COL23A1: variants seen among roughly 807,000 people sequenced by gnomAD.
COL23A1 encodes the protein collagen type XXIII alpha 1 chain, also known as collagen alpha-1(XXIII) chain.
COL23A1 carries 97 observed loss-of-function variants against 99.3 expected under a neutral mutation model. The ratio of observed to expected loss-of-function variants is 0.98; its 90% CI spans 0.83 to 1.16. COL23A1 has a LOEUF of 1.16. Among genes scored for constraint, COL23A1 ranks in the 50% most tolerant of loss-of-function variants. The pLI is 0.00. For synonymous variants in COL23A1, 320 were observed against 308.2 expected, an observed-to-expected ratio of 1.04 and a Z score of -0.40; for missense variants, 762 against 757.4, an observed-to-expected ratio of 1.01 and a Z score of -0.07.
chr5:178,257,421 G>C, intron 13 of COL23A1, 102 bp downstream of exon 13: 1 of 1,374,858 alleles, frequency 7.3e-7, no homozygotes, highest in Non-Finnish European at 1.0e-6. Context: ...CACTGGCCTA[G>C]GAACCCGTGG....
At chr5:178,372,697 C>T (rs559234472) in intron 2 of COL23A1, among the ~76,000 whole-genome samples, 24 of 152,140 alleles carry the variant, frequency 1.6e-4, no homozygotes, top group African/African-American at 5.8e-4. Flanking sequence ...CTCAGCCTCC[C>T]GTGTAGCTGG....
At chr5:178,398,069 A>C (rs1764244689) in intron 2 of COL23A1, among the ~76,000 whole-genome samples, 1 of 152,232 alleles carries the variant, frequency 6.6e-6, no homozygotes, top group African/African-American at 2.4e-5. Flanking sequence ...AGACATCAAC[A>C]AATGGGGCTG....
intron 2 of COL23A1, among the ~76,000 whole-genome samples, chr5:178,408,853 G>T (rs1764894734): frequency 6.6e-6 from 1 of 151,604 alleles, no homozygotes; most frequent in African/African-American, 2.4e-5. Context: ...TACTTGGGAG[G>T]TTGAGGCAGG....
In COL23A1 at chr5:178,247,784, TG is replaced by T; in HGVS notation, c.1259del (p.Pro420GlnfsTer60). On this transcript the variant is annotated frameshift_variant, in exon 21 of 29. Coordinates refer to ENST00000390654, the MANE Select transcript of COL23A1 (RefSeq NM_173465.4). LOFTEE classifies it high-confidence loss of function. Reference sequence around the variant, plus strand: ...AGCAAACCGTCCTTACCATCGGGCCTGGGGGGCCAGGGGGGCCAGGGGGCCC... The same window carrying T: ...AGCAAACCGTCCTTACCATCGGGCCTGGGGGCCAGGGGGGCCAGGGGGCCC... ...EPGPPGPPGP[P>X]GPMGLQGIQG... The T allele has an allele frequency of 6.2e-7, 1 of 1,613,356 alleles. No individual in the cohort carries two copies. Among genetic ancestry groups the T allele is most frequent in the African/African-American group, 1.3e-5 (1 of 74,982 alleles).
intron 2 of COL23A1, among the ~76,000 whole-genome samples, chr5:178,553,215 T>C (rs1243841688): frequency 6.7e-6 from 1 of 149,768 alleles, no homozygotes; most frequent in East Asian, 2.0e-4. Flanking sequence ...TGCCCTTCGC[T>C]AGGCTCTTTT....
intron 1 of COL23A1, among the ~76,000 whole-genome samples, chr5:178,585,751 T>TAATGCCCTACAGCCCTGGATGGCGC (rs1562115782): frequency 1.9e-4 from 1 of 5,210 alleles, no homozygotes; most frequent in African/African-American, 3.6e-4. Flanking sequence ...GCTGACCCTG[T>TAATGCCCTACAGCCCTGGATGGCGC]TGGTTGCTCC....
At chr5:178,451,030 C>CTA in intron 2 of COL23A1, among the ~76,000 whole-genome samples, 1 of 152,310 alleles carries the variant, frequency 6.6e-6, no homozygotes, top group Admixed American at 6.5e-5. Flanking sequence ...TTATAGGTCT[C>CTA]TATGTTATTA....
In COL23A1 at chr5:178,306,730, C is replaced by T. The variant is rs1208813560; in HGVS notation, c.406+145G>A. The T allele has an allele frequency of 5.7e-6, 3 of 521,752 alleles. No individual in the cohort carries two copies. Among genetic ancestry groups the T allele is most frequent in the East Asian group, 3.5e-5 (1 of 28,516 alleles). The allele number at this position is 521,752 out of a possible 1,614,324, so 32.3% of individuals were successfully genotyped here. ...GTGCTGCGGCCTCAGGAAACGGCAG[C>T]TGGACTTGGAAGGGGGAGGAGCACC... On this transcript the variant is annotated intron_variant, in intron 3 of 28. Coordinates refer to ENST00000390654, the MANE Select transcript of COL23A1 (RefSeq NM_173465.4). This position sits in a 1 kb window ranked among gnomAD's most constrained non-coding sequence, Gnocchi z 4.1.
At chr5:178,480,962 GT>G (rs755352473) in intron 2 of COL23A1, among the ~76,000 whole-genome samples, 17 of 151,790 alleles carry the variant, frequency 1.1e-4, no homozygotes, top group Non-Finnish European at 2.2e-4. Context: ...CCTGGCCAAT[GT>G]GGTGAAACCT....
rs1281506325 is a variant in COL23A1 at position 178,468,416 on chromosome 5, G to A, written c.361+92266C>T. On this transcript the variant is annotated intron_variant, in intron 2 of 28. Coordinates refer to ENST00000390654, the MANE Select transcript of COL23A1 (RefSeq NM_173465.4). The surrounding 1 kb of genome is among the most constrained non-coding windows in gnomAD (Gnocchi z 4.2). ...TGGGCTAGGGGTCAGTGTGATGATG[G>A]TGAATGCAAGAATATCAACAACCAC... is the stretch of plus-strand genomic sequence containing the variant. Among the ~76,000 whole-genome samples the A allele has an allele frequency of 1.3e-5, 2 of 152,204 alleles. No homozygotes were observed. Among genetic ancestry groups the A allele is most frequent in the Non-Finnish European group, 2.9e-5 (2 of 68,038 alleles).
At position 178,403,116 on chromosome 5, in the gene COL23A1, A is replaced by T. The variant is rs1232934069; in HGVS notation, c.362-96197T>A. Among the ~76,000 whole-genome samples the T allele has an allele frequency of 3.0e-5, 4 of 134,456 alleles. 1 individual carries two copies. Among genetic ancestry groups the T allele is most frequent in the African/African-American group, 6.5e-5 (2 of 30,820 alleles). 88.2% of individuals were successfully genotyped at this position (134,456 alleles called of 152,430 possible). On this transcript the variant is annotated intron_variant, in intron 2 of 28. Transcript: ENST00000390654. ...AGAGAGAGACTCCATCTCAAAAAAA[A>T]AAAAAATAAATAAATAAAAAATAAA...
chr5:178,267,462 C>G, intron 7 of COL23A1, 129 bp from the exon 8 acceptor site: 1 of 910,128 alleles, frequency 1.1e-6, no homozygotes, highest in East Asian at 2.7e-5. Flanking sequence ...AGCAGGCAGG[C>G]CCTATTTTTA....
chr5:178,245,159 GTCCATCCC>G (rs1382601146), intron 25 of COL23A1, among the ~76,000 whole-genome samples: 1 of 96,020 alleles, frequency 1.0e-5, no homozygotes, highest in Non-Finnish European at 2.1e-5. Flanking sequence ...CCATCCATCC[GTCCATCCC>G]TCCATCCCTC....
intron 2 of COL23A1, among the ~76,000 whole-genome samples, chr5:178,382,669 G>C (rs907171940): frequency 2.6e-5 from 4 of 152,310 alleles, no homozygotes; most frequent in East Asian, 1.9e-4. Flanking sequence ...TCCAGTCCCA[G>C]GAGTTGGGAG....
At chr5:178,400,724 A>G (rs1017873852) in intron 2 of COL23A1, among the ~76,000 whole-genome samples, 4 of 150,896 alleles carry the variant, frequency 2.7e-5, no homozygotes, top group Non-Finnish European at 4.4e-5. Context: ...TCCAACCTCT[A>G]CCTCATGTGT....
At chr5:178,573,543 T>C (rs925929997) in intron 1 of COL23A1, among the ~76,000 whole-genome samples, 3 of 152,244 alleles carry the variant, frequency 2.0e-5, no homozygotes, top group Non-Finnish European at 4.4e-5. Flanking sequence ...CTGAAATACA[T>C]TAACATGTTT....
chr5:178,455,697 A>G (rs2546628), intron 2 of COL23A1, among the ~76,000 whole-genome samples: 55,601 of 151,934 alleles, frequency 0.37, 11,066 homozygotes, highest in African/African-American at 0.51. Flanking sequence ...ACCGCACCTC[A>G]AGGCCGAGAG....
chr5:178,428,140 C>T lies in COL23A1; in HGVS notation c.362-121221G>A, dbSNP rs1377952542. 6.6e-6 allele frequency among the ~76,000 whole-genome samples: 1 copy of T among 152,236 alleles called. No individual in the cohort carries two copies. Among genetic ancestry groups the T allele is most frequent in the Non-Finnish European group, 1.5e-5 (1 of 68,038 alleles). On this transcript the variant is annotated intron_variant, in intron 2 of 28. Transcript: ENST00000390654. The surrounding 1 kb of genome is among the most constrained non-coding windows in gnomAD (Gnocchi z 5.0). The stretch of plus-strand genomic sequence containing the variant: ...CATCAAAAGCCCACATCTATGCTCA[C>T]TGGCTCAGATATCACAGGGAAAAGA...
At chr5:178,412,952 T>C (rs1028083175) in intron 2 of COL23A1, among the ~76,000 whole-genome samples, 4 of 152,026 alleles carry the variant, frequency 2.6e-5, no homozygotes, top group African/African-American at 9.7e-5. Context: ...CACAGCCATA[T>C]ATGGAATTGT....
Sources: allele counts gnomAD v4.1 joint callset (sites outside exome capture counted in the v4.1 genomes callset), GRCh38; gene constraint gnomAD v4.1.1; non-coding constraint Gnocchi (gnomAD v3.1); transcripts MANE v1.5; gene names NCBI Gene and HGNC (gene_info 2026-07-23, HGNC 2026-07-21).